CD226: variants seen among roughly 807,000 people sequenced by gnomAD.
CD226 encodes the protein CD226 molecule.
A neutral mutation model predicts 34.9 loss-of-function variants in CD226; 24 were observed. The observed-to-expected ratio is 0.69, with a 90% CI of 0.50 to 0.97. The LOEUF (loss-of-function observed/expected upper bound fraction) is 0.97, where lower values mean the gene tolerates loss of function less well. Among genes scored for constraint, CD226 ranks in the 50% least tolerant of loss-of-function variants. CD226 has a pLI of 0.00. For missense variants in CD226, 397 were observed against 412.7 expected (o/e 0.96, Z 0.33); for synonymous variants, 148 against 147.4 (o/e 1.00, Z -0.03).
At chr18:69,890,096 C>T (rs865848899) in intron 3 of CD226, among the ~76,000 whole-genome samples, 2 of 151,660 alleles carry the variant, frequency 1.3e-5, no homozygotes, top group African/African-American at 2.4e-5. Flanking sequence ...AAAGGTTAAA[C>T]GTTGAAGAAA....
chr18:69,960,037 C>T (rs2055922285), upstream of CD226, among the ~76,000 whole-genome samples: 1 of 152,148 alleles, frequency 6.6e-6, no homozygotes, highest in East Asian at 1.9e-4. Flanking sequence ...ACATGAAGTT[C>T]GAGACCAGCC....
intron 2 of CD226, among the ~76,000 whole-genome samples, chr18:69,923,764 TA>T (rs762353002): frequency 5.3e-4 from 80 of 151,792 alleles, no homozygotes; most frequent in Non-Finnish European, 9.0e-4. Flanking sequence ...CCATCCCGGC[TA>T]AAAACGGTGA....
upstream of CD226, among the ~76,000 whole-genome samples, chr18:69,948,115 A>T (rs2145370851): frequency 6.6e-6 from 1 of 152,336 alleles, no homozygotes; most frequent in East Asian, 1.9e-4. Context: ...ATAGAGTCAC[A>T]GTAAGTCACA....
intron 2 of CD226, among the ~76,000 whole-genome samples, chr18:69,912,475 T>A (rs2055337458): frequency 1.3e-5 from 2 of 152,318 alleles, no homozygotes; most frequent in South Asian, 4.1e-4. Flanking sequence ...CCTTCCTGAG[T>A]TCTGAGAAAG....
At chr18:69,917,389 C>G (rs924965236) in intron 2 of CD226, among the ~76,000 whole-genome samples, 1 of 152,180 alleles carries the variant, frequency 6.6e-6, no homozygotes, top group African/African-American at 2.4e-5. Context: ...CTCCCTCCCC[C>G]AGCACCATCT....
intron 2 of CD226, among the ~76,000 whole-genome samples, chr18:69,913,312 A>G (rs17081809): frequency 0.042 from 6,463 of 152,298 alleles, 482 homozygotes; most frequent in African/African-American, 0.15. Context: ...GAAAACCAAA[A>G]AAGTCCTTAT....
At chr18:69,950,628 T>C (rs2055844711), upstream of CD226, among the ~76,000 whole-genome samples, 1 of 151,748 alleles carries the variant, frequency 6.6e-6, no homozygotes, top group Non-Finnish European at 1.5e-5. Context: ...GCAGTCCAGG[T>C]GGATAGGAGA....
intron 1 of CD226, among the ~76,000 whole-genome samples, chr18:69,954,118 C>T (rs1330889706): frequency 6.6e-6 from 1 of 152,034 alleles, no homozygotes; most frequent in Non-Finnish European, 1.5e-5. Flanking sequence ...TCCACATTCA[C>T]CCCAGGTCTT....
upstream of CD226, among the ~76,000 whole-genome samples, chr18:69,950,155 C>A (rs547705164): frequency 8.3e-5 from 4 of 48,284 alleles, no homozygotes; most frequent in African/African-American, 1.1e-4. Flanking sequence ...CATGCATCTG[C>A]ACGTACTCTC....
chr18:69,929,510 T>C (rs1334436525), intron 2 of CD226, among the ~76,000 whole-genome samples: 1 of 152,178 alleles, frequency 6.6e-6, no homozygotes, highest in Non-Finnish European at 1.5e-5. Flanking sequence ...AAATAATCAA[T>C]GTAAAGCCTT....
chr18:69,937,003 T>C (rs189273671), intron 2 of CD226, among the ~76,000 whole-genome samples: 16 of 152,332 alleles, frequency 1.1e-4, no homozygotes, highest in African/African-American at 3.4e-4. Context: ...ATAGATATGA[T>C]AGTGTCATTT....
At chr18:69,916,406 G>A (rs1483913090) in intron 2 of CD226, among the ~76,000 whole-genome samples, 1 of 152,084 alleles carries the variant, frequency 6.6e-6, no homozygotes, top group Non-Finnish European at 1.5e-5. Context: ...ATATAGTTCG[G>A]ATGCTGAAAG....
At chr18:69,943,192 G>A (rs965451091) in intron 2 of CD226, among the ~76,000 whole-genome samples, 3 of 152,208 alleles carry the variant, frequency 2.0e-5, no homozygotes, top group Admixed American at 6.5e-5. Context: ...GCATCCTACA[G>A]AGCAGGCACC....
intron 2 of CD226, among the ~76,000 whole-genome samples, chr18:69,929,837 T>C (rs997333585): frequency 6.6e-6 from 1 of 152,162 alleles, no homozygotes; most frequent in African/African-American, 2.4e-5. Context: ...CTTTTCTATT[T>C]CACACGCAAC....
At chr18:69,924,338 C>A (rs570941452) in intron 2 of CD226, among the ~76,000 whole-genome samples, 2 of 151,758 alleles carry the variant, frequency 1.3e-5, no homozygotes, top group South Asian at 2.1e-4. Context: ...TATTGCATTG[C>A]GGAATGAAAT....
chr18:69,911,911 A>C (rs2055330436), intron 2 of CD226, among the ~76,000 whole-genome samples: 1 of 152,170 alleles, frequency 6.6e-6, no homozygotes. Context: ...ACAAAAATAT[A>C]TCTCTTAATC....
At chr18:69,873,695 C>G (rs1983686306) in intron 3 of CD226, among the ~76,000 whole-genome samples, 1 of 152,050 alleles carries the variant, frequency 6.6e-6, no homozygotes, top group Non-Finnish European at 1.5e-5. Flanking sequence ...CATGGTGAAA[C>G]CCCGTCTCTA....
intron 3 of CD226, among the ~76,000 whole-genome samples, chr18:69,882,470 A>G (rs1176158111): frequency 6.6e-6 from 1 of 152,208 alleles, no homozygotes; most frequent in East Asian, 1.9e-4. Flanking sequence ...GGTGTATGGC[A>G]AGGATATTTA....
chr18:69,950,054 G>A (rs754596688), upstream of CD226, among the ~76,000 whole-genome samples: 2 of 149,444 alleles, frequency 1.3e-5, no homozygotes, highest in East Asian at 2.0e-4. Context: ...TCTCAAACAC[G>A]TATACATGCA....
Sources: allele counts gnomAD v4.1 joint callset (sites outside exome capture counted in the v4.1 genomes callset), GRCh38; gene constraint gnomAD v4.1.1; transcripts MANE v1.5; gene names NCBI Gene and HGNC (gene_info 2026-07-23, HGNC 2026-07-21).